Variants in LCLAT1 observed in about 807,000 individuals in gnomAD.
The protein encoded by LCLAT1 is 1-AGP acyltransferase 8.
In LCLAT1, 11 loss-of-function variants were observed where a neutral mutation model predicts 30.7. That is an observed-to-expected ratio of 0.36 (90% CI 0.23 to 0.59). The LOEUF is 0.59. Among genes scored for constraint, LCLAT1 ranks in the 20% least tolerant of loss-of-function variants. The pLI, the probability that LCLAT1 is intolerant of heterozygous loss-of-function variation, is 0.77. For synonymous variants in LCLAT1, 155 were observed against 151.3 expected (o/e 1.02, Z -0.18); for missense variants, 402 against 458.6 (o/e 0.88, Z 1.13).
intron 1 of LCLAT1, among the ~76,000 whole-genome samples, chr2:30,514,933 T>C (rs1490159640): frequency 6.6e-6 from 1 of 152,244 alleles, no homozygotes; most frequent in Non-Finnish European, 1.5e-5. Context: ...ATGCCTTAGA[T>C]ATTTTTCCTC....
At chr2:30,611,808 C>T (rs1041759989) in intron 5 of LCLAT1, among the ~76,000 whole-genome samples, 5 of 152,078 alleles carry the variant, frequency 3.3e-5, no homozygotes, top group Admixed American at 2.0e-4. Flanking sequence ...AGGAGGATGA[C>T]GCAGAACTCA....
rs542678136 is a variant in LCLAT1 at position 30,493,102 on chromosome 2, G to A, written c.-4-32485G>A. Among the ~76,000 whole-genome samples the A allele has an allele frequency of 2.0e-5, 3 of 152,296 alleles. No individual in the cohort carries two copies. In the East Asian group the frequency reaches 5.8e-4, roughly 29 times the overall value. Reference sequence around the variant, plus strand: ...GTGGTGAGATTGTCTAGTGAAGCAAGACAGTTGCAGTAATGTCAGGCACAC... The same window carrying A: ...GTGGTGAGATTGTCTAGTGAAGCAAAACAGTTGCAGTAATGTCAGGCACAC... On this transcript the variant is annotated intron_variant, in intron 1 of 5. Transcript: ENST00000379509.
chr2:30,451,987 C>T (rs1017871233), intron 1 of LCLAT1, among the ~76,000 whole-genome samples: 1 of 152,168 alleles, frequency 6.6e-6, no homozygotes, highest in Non-Finnish European at 1.5e-5. Flanking sequence ...TAAGATTGTA[C>T]ACTGCATGAT....
At chr2:30,494,733 A>G (rs943783603) in intron 1 of LCLAT1, among the ~76,000 whole-genome samples, 19 of 151,008 alleles carry the variant, frequency 1.3e-4, no homozygotes, top group African/African-American at 4.6e-4. Flanking sequence ...AAGGGATGCC[A>G]TGTCTTCTTA....
chr2:30,560,358 C>G (rs1230089977), intron 3 of LCLAT1, among the ~76,000 whole-genome samples: 2 of 150,944 alleles, frequency 1.3e-5, no homozygotes, highest in Non-Finnish European at 2.9e-5. Flanking sequence ...GAGTCTTGCT[C>G]CATTGCCCAA....
chr2:30,626,871 T>A (rs945029011), intron 5 of LCLAT1, among the ~76,000 whole-genome samples: 13 of 152,156 alleles, frequency 8.5e-5, no homozygotes, highest in African/African-American at 3.1e-4. Flanking sequence ...TTATCTTTTA[T>A]CCATGGGTTA....
At chr2:30,582,522 A>G (rs1416165498) in intron 5 of LCLAT1, among the ~76,000 whole-genome samples, 1 of 152,198 alleles carries the variant, frequency 6.6e-6, no homozygotes, top group Non-Finnish European at 1.5e-5. Flanking sequence ...AGCTTATGCC[A>G]AGCACAATCT....
intron 5 of LCLAT1, among the ~76,000 whole-genome samples, chr2:30,633,423 T>A (rs933769453): frequency 1.3e-5 from 2 of 152,200 alleles, no homozygotes; most frequent in African/African-American, 4.8e-5. Flanking sequence ...GCACAGTGGC[T>A]CACGCCTGTA....
chr2:30,466,799 CTT>C (rs1682457336), intron 1 of LCLAT1, among the ~76,000 whole-genome samples: 1 of 151,998 alleles, frequency 6.6e-6, no homozygotes, highest in Admixed American at 6.6e-5. Flanking sequence ...AACTACAAGT[CTT>C]ATATATTTTT....
intron 5 of LCLAT1, among the ~76,000 whole-genome samples, chr2:30,621,327 C>T (rs1367923534): frequency 2.0e-5 from 3 of 152,020 alleles, no homozygotes; most frequent in East Asian, 1.9e-4. Context: ...TCCCATGTGA[C>T]GTATTTATTA....
intron 1 of LCLAT1, among the ~76,000 whole-genome samples, chr2:30,510,721 C>A (rs1419114485): frequency 6.6e-6 from 1 of 152,070 alleles, no homozygotes; most frequent in Admixed American, 6.6e-5. Context: ...TATGGGACCT[C>A]GTGTCTTGGC....
Position 30,642,342 on chromosome 2 carries a change from G to C in LCLAT1, c.*1723G>C, listed in dbSNP as rs1669357934. The C allele has an allele frequency of 6.6e-6, 1 of 151,542 alleles. No homozygotes were observed. Among genetic ancestry groups the C allele is most frequent in the Non-Finnish European group, 1.5e-5 (1 of 67,966 alleles). The allele number at this position is 151,542 out of a possible 1,614,324, so 9.4% of individuals were successfully genotyped here. ...AACTAACTAGTTATTATGCACATCT[G>C]CTCCAGACCCAGCTCTTTAACTTCA... On this transcript the variant is annotated 3_prime_UTR_variant, in exon 6 of 6. Transcript: ENST00000379509.
chr2:30,458,045 A>G (rs1249138854), intron 1 of LCLAT1, among the ~76,000 whole-genome samples: 1 of 144,190 alleles, frequency 6.9e-6, no homozygotes, highest in Non-Finnish European at 1.5e-5. Context: ...CATATTGTTA[A>G]AAAAAAAAAA....
At position 30,640,127 on chromosome 2, in the gene LCLAT1, T is replaced by C; in HGVS notation, c.639T>C (p.Leu213=). 1 of 1,610,686 alleles carries C rather than the reference T, an allele frequency of 6.2e-7. No homozygotes were observed. The highest frequency in any genetic ancestry group is 8.5e-7 in the Non-Finnish European group (1 of 1,178,832). The change falls in exon 6 of 6, where the codon CTT becomes CTC. Residue 213 remains leucine, a synonymous_variant. Transcript: ENST00000379509. ...CTTTTCGAAACCCAGGTAAGAACCT[T>C]GATGCTGTCCATGATATCACTGTGG... The part of the protein sequence containing the change: ...VVDRLREGKN[L]DAVHDITVAY...
intron 1 of LCLAT1, among the ~76,000 whole-genome samples, chr2:30,480,487 G>A (rs1299278994): frequency 1.3e-5 from 2 of 152,154 alleles, no homozygotes; most frequent in East Asian, 1.9e-4. Flanking sequence ...GAGCCACTGC[G>A]CCTGGCCTAT....
chr2:30,462,745 T>C (rs1682223867), intron 1 of LCLAT1, among the ~76,000 whole-genome samples: 1 of 152,194 alleles, frequency 6.6e-6, no homozygotes, highest in Admixed American at 6.5e-5. Context: ...GTGATTATGT[T>C]ATAAGAATTA....
In LCLAT1 at chr2:30,597,287, T is replaced by C. The variant is rs535262998; in HGVS notation, c.628+29111T>C. On this transcript the variant is annotated intron_variant, in intron 5 of 5. Transcript: ENST00000379509. ...TTCCAATCCATGAGCATGGAGTGTT[T>C]TTCCATTTGTTTGTGTCCTCTCTGA... is the stretch of plus-strand genomic sequence containing the variant. 2.0e-5 allele frequency among the ~76,000 whole-genome samples: 3 copies of C among 152,038 alleles called. No individual in the cohort carries two copies. In the South Asian group the frequency reaches 6.3e-4, roughly 32 times the overall value.
chr2:30,615,313 T>C (rs1372143623), intron 5 of LCLAT1, among the ~76,000 whole-genome samples: 1 of 151,948 alleles, frequency 6.6e-6, no homozygotes, highest in Non-Finnish European at 1.5e-5. Context: ...GAAGGCAAAG[T>C]GTATGAACTC....
chr2:30,579,247 A>C (rs1041246538), intron 5 of LCLAT1, among the ~76,000 whole-genome samples: 30 of 152,288 alleles, frequency 2.0e-4, no homozygotes, highest in African/African-American at 7.2e-4. Context: ...AGATTAATAG[A>C]GTTTAGGCAA....
Sources: allele counts gnomAD v4.1 joint callset (sites outside exome capture counted in the v4.1 genomes callset), GRCh38; gene constraint gnomAD v4.1.1; transcripts MANE v1.5; gene names NCBI Gene and HGNC (gene_info 2026-07-23, HGNC 2026-07-21).